The following EXOC6B variants were observed in gnomAD, a reference collection of about 807,000 sequenced individuals.
EXOC6B encodes exocyst complex component 6B.
In EXOC6B, 54 loss-of-function variants were observed where a neutral mutation model predicts 113.5. The observed-to-expected ratio is 0.48, with a 90% CI of 0.38 to 0.60. The LOEUF is 0.60. Ranked by LOEUF, EXOC6B falls within the 20% of genes least tolerant of loss-of-function variation. The pLI, the probability that EXOC6B is intolerant of heterozygous loss-of-function variation, is 0.00. For synonymous variants in EXOC6B, 357 were observed against 339.0 expected (o/e 1.05, Z -0.58); for missense variants, 797 against 977.5 (o/e 0.82, Z 2.46).
intron 6 of EXOC6B, among the ~76,000 whole-genome samples, chr2:72,646,222 A>G (rs1376677097): frequency 6.6e-6 from 1 of 152,168 alleles, no homozygotes; most frequent in Non-Finnish European, 1.5e-5. Context: ...CGACACATAC[A>G]CACTCCCAAG....
intron 11 of EXOC6B, among the ~76,000 whole-genome samples, chr2:72,504,256 G>T (rs1700485643): frequency 6.6e-6 from 1 of 152,004 alleles, no homozygotes; most frequent in South Asian, 2.1e-4. Context: ...TAGAACAGCA[G>T]TCCTTTATCA....
At chr2:72,219,773 T>G (rs1680755895) in intron 20 of EXOC6B, among the ~76,000 whole-genome samples, 1 of 152,200 alleles carries the variant, frequency 6.6e-6, no homozygotes, top group Non-Finnish European at 1.5e-5. Flanking sequence ...TAATTATAAC[T>G]ATCATTATAG....
chr2:72,269,275 A>C (rs1684331009), intron 20 of EXOC6B, among the ~76,000 whole-genome samples: 2 of 152,212 alleles, frequency 1.3e-5, no homozygotes, highest in African/African-American at 2.4e-5. Context: ...TCTGCCAAAA[A>C]AAAAATAGTT....
intron 1 of EXOC6B, among the ~76,000 whole-genome samples, chr2:72,814,682 T>A (rs1314729645): frequency 6.6e-6 from 1 of 152,188 alleles, no homozygotes; most frequent in African/African-American, 2.4e-5. Flanking sequence ...AGTTAACAGA[T>A]CTCAATTTTT....
At chr2:72,325,324 A>G (rs1688065969) in intron 20 of EXOC6B, among the ~76,000 whole-genome samples, 1 of 152,146 alleles carries the variant, frequency 6.6e-6, no homozygotes, top group South Asian at 2.1e-4. Context: ...CCATAGATAT[A>G]GCTGGTTGTG....
At chr2:72,423,198 G>A (rs1043525696) in intron 18 of EXOC6B, among the ~76,000 whole-genome samples, 15 of 151,834 alleles carry the variant, frequency 9.9e-5, no homozygotes, top group Non-Finnish European at 1.5e-4. Flanking sequence ...AACACTCACC[G>A]CGAAAGTCTG....
Position 72,330,921 on chromosome 2 carries a change from G to A in EXOC6B, c.2196+4026C>T, listed in dbSNP as rs576738657. ...TTGTTTGTAGATGAGAGATCACAGA[G>A]AGTAGAAAAGAGTAGTCCTAGCTAA... On this transcript the variant is annotated intron_variant, in intron 20 of 21. Coordinates refer to ENST00000272427, the MANE Select transcript of EXOC6B (RefSeq NM_015189.3). 5.9e-4 allele frequency among the ~76,000 whole-genome samples: 90 copies of A among 152,170 alleles called. No homozygotes were observed. In the South Asian group the frequency reaches 7.3e-3, roughly 12 times the overall value.
At chr2:72,371,378 C>T (rs1219067481) in intron 19 of EXOC6B, among the ~76,000 whole-genome samples, 1 of 152,088 alleles carries the variant, frequency 6.6e-6, no homozygotes, top group Non-Finnish European at 1.5e-5. Context: ...ATCAAAGACA[C>T]ATCGAAAAAG....
chr2:72,382,415 T>A (rs1210887113), intron 18 of EXOC6B, among the ~76,000 whole-genome samples: 2 of 152,212 alleles, frequency 1.3e-5, no homozygotes, highest in Non-Finnish European at 2.9e-5. Context: ...ACCAGTACCA[T>A]GCTGTTTTGG....
intron 8 of EXOC6B, among the ~76,000 whole-genome samples, chr2:72,549,857 G>C (rs1305094768): frequency 6.6e-6 from 1 of 152,176 alleles, no homozygotes; most frequent in East Asian, 1.9e-4. Flanking sequence ...CAGGCAACAA[G>C]TATCAGAAAG....
At chr2:72,435,245 A>G (rs527893974) in intron 18 of EXOC6B, among the ~76,000 whole-genome samples, 102 of 152,156 alleles carry the variant, frequency 6.7e-4, no homozygotes, top group African/African-American at 2.4e-3. Context: ...CTGAGTTCTA[A>G]TTTGATTGTG....
chr2:72,515,112 T>A lies in EXOC6B; in HGVS notation c.930A>T (p.Thr310=), dbSNP rs924213236. 6.2e-7 allele frequency: 1 copy of A among 1,603,336 alleles called. No homozygotes were observed. Among genetic ancestry groups the A allele is most frequent in the East Asian group, 2.2e-5 (1 of 44,652 alleles). Residue 310 remains threonine, a synonymous_variant, in exon 9 of 22, where the codon ACA becomes ACT. Coordinates refer to ENST00000272427, the MANE Select transcript of EXOC6B (RefSeq NM_015189.3). ...TCTGTTTTCGGTAGTAATTCTCAAA[T>A]GTTTCCCGGGCACCCTGTAAATAAA... ...HIYSVLGARE[T]FENYYRKQRR...
chr2:72,515,507 C>T (rs1267642532), intron 8 of EXOC6B: 6 of 1,027,268 alleles, frequency 5.8e-6, no homozygotes, highest in Non-Finnish European at 7.0e-6. Context: ...AGAAGAAAAA[C>T]ATCAAGAATA....
chr2:72,442,886 T>G (rs1485630249), intron 18 of EXOC6B, among the ~76,000 whole-genome samples: 1 of 152,058 alleles, frequency 6.6e-6, no homozygotes, highest in African/African-American at 2.4e-5. Flanking sequence ...TAGAAAAAAC[T>G]ATGTAAAAAT....
intron 20 of EXOC6B, among the ~76,000 whole-genome samples, chr2:72,193,983 G>C (rs1679007306): frequency 6.6e-6 from 1 of 152,168 alleles, no homozygotes. Context: ...AATAGCTGAG[G>C]TAAGTAGTTG....
At chr2:72,643,838 A>T (rs1052856052) in intron 6 of EXOC6B, among the ~76,000 whole-genome samples, 6 of 151,340 alleles carry the variant, frequency 4.0e-5, no homozygotes, top group East Asian at 1.9e-4. Flanking sequence ...AATAAATAAA[A>T]AAGAAATGAG....
At chr2:72,183,265 G>C (rs1167955581) in intron 21 of EXOC6B, among the ~76,000 whole-genome samples, 1 of 152,148 alleles carries the variant, frequency 6.6e-6, no homozygotes, top group Non-Finnish European at 1.5e-5. Context: ...GGCTTAACTA[G>C]TTTCTCAGAT....
rs1686927068 is a variant in EXOC6B at position 72,307,209 on chromosome 2, G to A, written c.2196+27738C>T. 1.4e-5 allele frequency among the ~76,000 whole-genome samples: 2 copies of A among 142,614 alleles called. 1 individual carries two copies. The highest frequency in any genetic ancestry group is 4.2e-4 in the South Asian group (2 of 4,800). The allele number at this position is 142,614 out of a possible 152,430, so 93.6% of individuals were successfully genotyped here. A position where few individuals can be genotyped will look rare whatever the true frequency, so the allele number is the denominator to read the frequency against. On this transcript the variant is annotated intron_variant, in intron 20 of 21. Transcript: ENST00000272427. Reference sequence around the variant, plus strand: ...TCTTGCTCTGTCGCCAGGCTGGAGTGCAGTGGCGCAATCTCGGCCTCCCAG... The same window carrying A: ...TCTTGCTCTGTCGCCAGGCTGGAGTACAGTGGCGCAATCTCGGCCTCCCAG...
intron 6 of EXOC6B, among the ~76,000 whole-genome samples, chr2:72,676,989 T>A (rs867188715): frequency 6.6e-6 from 1 of 152,124 alleles, no homozygotes; most frequent in African/African-American, 2.4e-5. Context: ...GAGAGATACA[T>A]GAGAGTGATG....
Sources: gnomAD v4.1 joint callset for allele counts (sites outside exome capture counted in the v4.1 genomes callset) on GRCh38, gnomAD v4.1.1 for gene constraint, MANE v1.5 for transcripts, NCBI Gene and HGNC (gene_info 2026-07-23, HGNC 2026-07-21) for gene names.